The following TXNL4A variants were observed in gnomAD, a reference collection of about 807,000 sequenced individuals.
TXNL4A encodes thioredoxin-like protein 4A.
A neutral mutation model predicts 14.6 loss-of-function variants in TXNL4A; 17 were observed. That is an observed-to-expected ratio of 1.16 (90% CI 0.80 to 1.74). The LOEUF (loss-of-function observed/expected upper bound fraction) is 1.74, where lower values mean the gene tolerates loss of function less well. Among genes scored for constraint, TXNL4A ranks in the 40% most tolerant of loss-of-function variants. The pLI, the probability that TXNL4A is intolerant of heterozygous loss-of-function variation, is 0.00. For synonymous variants in TXNL4A, 83 were observed against 70.6 expected, an observed-to-expected ratio of 1.18 and a Z score of -0.88; for missense variants, 74 against 195.2, an observed-to-expected ratio of 0.38 and a Z score of 3.70.
chr18:79,977,591 A>G lies in TXNL4A; in HGVS notation c.257+7T>C, dbSNP rs756971133. On this transcript the variant is annotated splice_region_variant and intron_variant, in intron 2 of 2. Transcript: ENST00000269601. ...TCAATTTCAGTAACAACTTTAAGAT[A>G]ACGTACCTGAAGAAAAACATGACAG... 1 of 1,583,812 alleles carries G rather than the reference A, an allele frequency of 6.3e-7. No individual in the cohort carries two copies. The highest frequency in any genetic ancestry group is 1.1e-5 in the South Asian group (1 of 87,150).
intron 1 of TXNL4A, among the ~76,000 whole-genome samples, chr18:80,012,059 T>G (rs1187492918): frequency 6.6e-6 from 1 of 152,132 alleles, no homozygotes; most frequent in Non-Finnish European, 1.5e-5. Context: ...GACGCGCCTT[T>G]TAAACTCTTA....
intron 1 of TXNL4A, among the ~76,000 whole-genome samples, chr18:80,005,774 C>G (rs567939671): frequency 1.6e-4 from 24 of 152,060 alleles, no homozygotes; most frequent in Non-Finnish European, 2.2e-4. Context: ...AATTAGCCAG[C>G]ATGATGGTGC....
At chr18:80,007,597 G>T (rs1363554211) in intron 1 of TXNL4A, among the ~76,000 whole-genome samples, 7 of 147,526 alleles carry the variant, frequency 4.7e-5, no homozygotes, top group Non-Finnish European at 9.0e-5. Flanking sequence ...CACTTCCTTG[G>T]TTTTTTTTTT....
chr18:79,991,344 T>C (rs1275058000), upstream of TXNL4A, among the ~76,000 whole-genome samples: 2 of 152,114 alleles, frequency 1.3e-5, no homozygotes, highest in African/African-American at 4.8e-5. Flanking sequence ...TAGATTTACC[T>C]ATTCTAGACA....
At chr18:79,981,352 T>C (rs1453667692) in intron 1 of TXNL4A, among the ~76,000 whole-genome samples, 2 of 152,218 alleles carry the variant, frequency 1.3e-5, no homozygotes, top group Non-Finnish European at 2.9e-5. Flanking sequence ...CATCTGTGGT[T>C]TTTAATAATT....
chr18:80,027,971 T>C (rs1368782432), intron 1 of TXNL4A, among the ~76,000 whole-genome samples: 2 of 152,198 alleles, frequency 1.3e-5, no homozygotes, highest in Non-Finnish European at 2.9e-5. Flanking sequence ...TCAAACTCTG[T>C]AGGCATACTT....
In TXNL4A at chr18:79,982,233, T is replaced by C. The variant is rs1162894212; in HGVS notation, c.154-4532A>G. Among the ~76,000 whole-genome samples the C allele has an allele frequency of 6.6e-6, 1 of 152,172 alleles. No individual in the cohort carries two copies. The highest frequency in any genetic ancestry group is 1.5e-5 in the Non-Finnish European group (1 of 68,028). ...GCAAGGAAGCAGAAGTGCAGGACAG[T>C]GGGGACCGATGCGCAGGTGGACTGG... On this transcript the variant is annotated intron_variant, in intron 1 of 2. Transcript: ENST00000269601. This position sits in a 1 kb window ranked among gnomAD's most constrained non-coding sequence, Gnocchi z 4.0.
chr18:79,986,799 A>G, intron 1 of TXNL4A: 1 of 983,100 alleles, frequency 1.0e-6, no homozygotes, highest in South Asian at 4.7e-5. Context: ...CTCAAAGTCA[A>G]TACAGCAGTG....
intron 1 of TXNL4A, chr18:79,986,712 C>G: frequency 1.0e-6 from 1 of 985,468 alleles, no homozygotes; most frequent in African/African-American, 1.7e-5. Flanking sequence ...GAGCTGCCGG[C>G]AGCAGGATCT....
rs1209418591 is a variant in TXNL4A at position 79,982,023 on chromosome 18, C to G, written c.154-4322G>C. ...GATGCCCAGCCGCACGGGGAAGGGG[C>G]AGAGCTGAGATGCACTCTGTCTGGC... is the stretch of plus-strand genomic sequence containing the variant. On this transcript the variant is annotated intron_variant, in intron 1 of 2. Coordinates refer to ENST00000269601, the MANE Select transcript of TXNL4A (RefSeq NM_006701.5). This position sits in a 1 kb window ranked among gnomAD's most constrained non-coding sequence, Gnocchi z 4.0. Among the ~76,000 whole-genome samples the G allele has an allele frequency of 6.6e-6, 1 of 152,206 alleles. No individual in the cohort carries two copies. Among genetic ancestry groups the G allele is most frequent in the Admixed American group, 6.5e-5 (1 of 15,290 alleles).
chr18:80,012,390 G>C (rs1392417519), intron 1 of TXNL4A, among the ~76,000 whole-genome samples: 2 of 152,160 alleles, frequency 1.3e-5, no homozygotes, highest in Non-Finnish European at 2.9e-5. Flanking sequence ...GATGTTACCT[G>C]ACAATGCTAC....
chr18:80,032,773 G>A (rs1484782436), intron 1 of TXNL4A, among the ~76,000 whole-genome samples: 1 of 152,226 alleles, frequency 6.6e-6, no homozygotes, highest in African/African-American at 2.4e-5. Context: ...CTGGAAGGTG[G>A]AGGTTGCAGT....
At chr18:79,983,391 T>C (rs1023865667) in intron 1 of TXNL4A, among the ~76,000 whole-genome samples, 5 of 152,224 alleles carry the variant, frequency 3.3e-5, no homozygotes, top group Non-Finnish European at 7.3e-5. Flanking sequence ...GCTTTTTCTT[T>C]AGGCAAGTCA....
chr18:80,002,285 C>T (rs1462823314), intron 1 of TXNL4A, among the ~76,000 whole-genome samples: 2 of 152,168 alleles, frequency 1.3e-5, no homozygotes, highest in African/African-American at 2.4e-5. Flanking sequence ...CCCTGTGGCA[C>T]ATCTTAATCC....
chr18:80,001,078 C>CA (rs1205042588), intron 1 of TXNL4A, among the ~76,000 whole-genome samples: 4 of 152,218 alleles, frequency 2.6e-5, no homozygotes, highest in Non-Finnish European at 5.9e-5. Context: ...CCAGGGCCCC[C>CA]CTGCTGTGTG....
intron 1 of TXNL4A, among the ~76,000 whole-genome samples, chr18:79,995,918 T>TG (rs1016910573): frequency 2.6e-5 from 4 of 151,704 alleles, no homozygotes; most frequent in African/African-American, 9.7e-5. Flanking sequence ...TTGGCTAACA[T>TG]GGTGAAACCC....
chr18:79,978,525 G>C (rs750214523), intron 1 of TXNL4A, among the ~76,000 whole-genome samples: 7 of 152,094 alleles, frequency 4.6e-5, no homozygotes, highest in Non-Finnish European at 7.4e-5. Context: ...ACAGGATCTG[G>C]TTCTGCTGCC....
chr18:80,008,809 G>A (rs750430406), intron 1 of TXNL4A, among the ~76,000 whole-genome samples: 5 of 152,008 alleles, frequency 3.3e-5, no homozygotes, highest in Non-Finnish European at 7.4e-5. Context: ...ATGGAGTCTC[G>A]CTCTGTCCCC....
intron 1 of TXNL4A, among the ~76,000 whole-genome samples, chr18:79,997,649 T>A (rs1049109329): frequency 6.6e-6 from 1 of 152,162 alleles, no homozygotes; most frequent in Admixed American, 6.5e-5. Flanking sequence ...CTCAAGGGTA[T>A]ACACAAAGTC....
Sources: allele counts gnomAD v4.1 joint callset (sites outside exome capture counted in the v4.1 genomes callset), GRCh38; gene constraint gnomAD v4.1.1; non-coding constraint Gnocchi (gnomAD v3.1); transcripts MANE v1.5; gene names NCBI Gene and HGNC (gene_info 2026-07-23, HGNC 2026-07-21).